The following PDE4D variants were observed in gnomAD, a reference collection of about 807,000 sequenced individuals.
The protein encoded by PDE4D is 3',5'-cyclic-AMP phosphodiesterase 4D.
A neutral mutation model predicts 87.4 loss-of-function variants in PDE4D; 24 were observed. The observed-to-expected ratio is 0.27, with a 90% CI of 0.20 to 0.39. PDE4D has a LOEUF of 0.39. Among genes scored for constraint, PDE4D ranks in the 10% least tolerant of loss-of-function variants. The pLI, the probability that PDE4D is intolerant of heterozygous loss-of-function variation, is 1.00. For synonymous variants in PDE4D, 384 were observed against 383.2 expected, an observed-to-expected ratio of 1.00 and a Z score of -0.02; for missense variants, 714 against 1,041.0, an observed-to-expected ratio of 0.69 and a Z score of 4.32.
At chr5:59,391,097 T>C (rs967867116) in intron 1 of PDE4D, among the ~76,000 whole-genome samples, 1 of 151,854 alleles carries the variant, frequency 6.6e-6, no homozygotes, top group Non-Finnish European at 1.5e-5. Context: ...GAAATCAGAG[T>C]TAAGGAGGTG....
At chr5:59,140,457 G>A (rs111655421) in intron 5 of PDE4D, among the ~76,000 whole-genome samples, 1 of 152,140 alleles carries the variant, frequency 6.6e-6, no homozygotes, top group South Asian at 2.1e-4. Context: ...TTTCTTGGAT[G>A]GAAAATTTAA....
At chr5:59,695,470 C>T (rs1751635518) in intron 1 of PDE4D, among the ~76,000 whole-genome samples, 1 of 152,210 alleles carries the variant, frequency 6.6e-6, no homozygotes, top group Admixed American at 6.5e-5. Context: ...AGTTTAACTA[C>T]TCAGGCCAAT....
chr5:59,926,836 TCCAAATAGA>T (rs1197538840), intron 3 of PDE4D, among the ~76,000 whole-genome samples: 1 of 151,870 alleles, frequency 6.6e-6, no homozygotes, highest in African/African-American at 2.4e-5. Flanking sequence ...AAGTCCAAAA[TCCAAATAGA>T]CCAATAGTAA....
At chr5:59,815,537 G>A (rs574779762) in intron 1 of PDE4D, among the ~76,000 whole-genome samples, 8 of 152,288 alleles carry the variant, frequency 5.3e-5, no homozygotes, top group African/African-American at 1.7e-4. Context: ...TCTCAAGTGG[G>A]CATAGTAATG....
At chr5:59,259,471 C>G (rs1761578873) in intron 1 of PDE4D, among the ~76,000 whole-genome samples, 1 of 151,876 alleles carries the variant, frequency 6.6e-6, no homozygotes. Flanking sequence ...CACATAAGGT[C>G]TGACTTCGAA....
At chr5:60,152,508 C>A (rs1191174733) in intron 2 of PDE4D, among the ~76,000 whole-genome samples, 1 of 151,940 alleles carries the variant, frequency 6.6e-6, no homozygotes, top group Non-Finnish European at 1.5e-5. Context: ...AAAAAATTAG[C>A]CTGGCGTGGT....
At chr5:59,352,098 GTTT>G (rs1780618513) in intron 1 of PDE4D, among the ~76,000 whole-genome samples, 1 of 152,146 alleles carries the variant, frequency 6.6e-6, no homozygotes, top group South Asian at 2.1e-4. Flanking sequence ...TCCCGAGGCT[GTTT>G]TGGAGGATGA....
At chr5:59,829,741 T>C (rs773161489) in intron 1 of PDE4D, among the ~76,000 whole-genome samples, 4 of 152,062 alleles carry the variant, frequency 2.6e-5, no homozygotes, top group African/African-American at 4.8e-5. Context: ...CAATGATCCC[T>C]TATTGCTCAA....
chr5:59,568,741 A>G (rs1404461304), intron 1 of PDE4D, among the ~76,000 whole-genome samples: 1 of 152,164 alleles, frequency 6.6e-6, no homozygotes, highest in Non-Finnish European at 1.5e-5. Context: ...AAAACTGCCA[A>G]GGTAATGAAA....
intron 1 of PDE4D, among the ~76,000 whole-genome samples, chr5:59,335,460 T>G (rs1258773072): frequency 6.6e-6 from 1 of 152,188 alleles, no homozygotes; most frequent in Non-Finnish European, 1.5e-5. Context: ...GTTATCAATC[T>G]TTGCCTCTAA....
intron 1 of PDE4D, among the ~76,000 whole-genome samples, chr5:59,774,014 G>A (rs77815030): frequency 1.3e-5 from 2 of 152,238 alleles, no homozygotes; most frequent in East Asian, 3.9e-4. Flanking sequence ...TCAAAAACAA[G>A]GCAGGGCTTG....
At chr5:59,923,545 TAAAAG>T (rs1754918219) in intron 3 of PDE4D, among the ~76,000 whole-genome samples, 1 of 152,086 alleles carries the variant, frequency 6.6e-6, no homozygotes. Context: ...TGGTAGAAAG[TAAAAG>T]AAGAGGACAA....
At chr5:59,013,363 C>T (rs1414875716) in intron 6 of PDE4D, among the ~76,000 whole-genome samples, 1 of 152,076 alleles carries the variant, frequency 6.6e-6, no homozygotes, top group Non-Finnish European at 1.5e-5. Context: ...AGTCCAGGAG[C>T]TGGTTTTTTG....
chr5:59,986,629 G>A (rs569296576), intron 3 of PDE4D: 9 of 152,332 alleles, frequency 5.9e-5, no homozygotes, highest in Admixed American at 1.3e-4. Context: ...AATCAGGACT[G>A]TGTCAATTAA....
At chr5:59,253,670 C>T (rs1453263327) in intron 1 of PDE4D, among the ~76,000 whole-genome samples, 2 of 152,088 alleles carry the variant, frequency 1.3e-5, no homozygotes, top group Non-Finnish European at 1.5e-5. Flanking sequence ...ATTTCATTTT[C>T]ATAGAATCTC....
chr5:59,766,175 T>C (rs1232133241), intron 1 of PDE4D, among the ~76,000 whole-genome samples: 1 of 152,250 alleles, frequency 6.6e-6, no homozygotes, highest in Non-Finnish European at 1.5e-5. Flanking sequence ...GTGGATATTA[T>C]GAACGTCTTG....
At chr5:59,746,862 T>C (rs62370532) in intron 1 of PDE4D, among the ~76,000 whole-genome samples, 9,136 of 152,184 alleles carry the variant, frequency 0.06, 369 homozygotes, top group Middle Eastern at 0.13. Context: ...TTTCTCATTC[T>C]TCTCTGCTGC....
intron 1 of PDE4D, among the ~76,000 whole-genome samples, chr5:59,540,658 T>G (rs572636738): frequency 5.9e-5 from 9 of 152,292 alleles, no homozygotes; most frequent in South Asian, 2.1e-4. Context: ...TTGCTCAGTG[T>G]GAATTCTCAT....
chr5:60,210,980 G>A (rs915885855), intron 1 of PDE4D, among the ~76,000 whole-genome samples: 8 of 152,194 alleles, frequency 5.3e-5, no homozygotes, highest in East Asian at 1.9e-4. Context: ...AGCTGGCGGG[G>A]GCGGAGAGCC....
Sources: allele counts gnomAD v4.1 joint callset (sites outside exome capture counted in the v4.1 genomes callset), GRCh38; gene constraint gnomAD v4.1.1; transcripts MANE v1.5; gene names NCBI Gene and HGNC (gene_info 2026-07-23, HGNC 2026-07-21).